The following TFG variants were observed in gnomAD, a reference collection of about 807,000 sequenced individuals.
The protein encoded by TFG is protein TFG.
In TFG, 22 loss-of-function variants were observed where a neutral mutation model predicts 51.4. The observed-to-expected ratio is 0.43, with a 90% CI of 0.31 to 0.61. The LOEUF is 0.61. Among genes scored for constraint, TFG ranks in the 20% least tolerant of loss-of-function variants. TFG has a pLI of 0.12. For synonymous variants in TFG, 187 were observed against 165.6 expected (o/e 1.13, Z -0.99); for missense variants, 419 against 487.7 (o/e 0.86, Z 1.33).
intron 7 of TFG, among the ~76,000 whole-genome samples, chr3:100,746,203 AT>A (rs565435433): frequency 6.6e-6 from 1 of 152,160 alleles, no homozygotes; most frequent in African/African-American, 2.4e-5. Context: ...AGCTGAAGAG[AT>A]TTAGTCATCA....
At chr3:100,746,437 A>G (rs1189369065) in intron 7 of TFG, among the ~76,000 whole-genome samples, 3 of 152,148 alleles carry the variant, frequency 2.0e-5, no homozygotes, top group Non-Finnish European at 4.4e-5. Flanking sequence ...ATTTCCCTGT[A>G]TCATTCTGCA....
intron 3 of TFG, among the ~76,000 whole-genome samples, chr3:100,727,120 T>C (rs1378304236): frequency 6.6e-6 from 1 of 152,206 alleles, no homozygotes; most frequent in Non-Finnish European, 1.5e-5. Flanking sequence ...TATAGTCTTG[T>C]GTGATGTTGG....
chr3:100,740,750 A>G (rs1157873519), intron 6 of TFG, among the ~76,000 whole-genome samples: 1 of 151,860 alleles, frequency 6.6e-6, no homozygotes, highest in Admixed American at 6.6e-5. Context: ...TCTTACCATT[A>G]CTCTTTGCTT....
intron 6 of TFG, chr3:100,743,106 G>T (rs1241442318): frequency 6.6e-6 from 1 of 152,116 alleles, no homozygotes; most frequent in Non-Finnish European, 1.5e-5. Context: ...CTAAAGCTTT[G>T]GAGTTATGCC....
Position 100,728,876 on chromosome 3 carries a change from T to A in TFG, c.415+18T>A, listed in dbSNP as rs752417508. On this transcript the variant is annotated intron_variant, in intron 4 of 7. Transcript: ENST00000240851. ...TGAAAATGGTAAACCCTGAATCCAT[T>A]GTATTCTGACTTATTGTTCTTACGT... 2 of 1,584,648 alleles carry A rather than the reference T, an allele frequency of 1.3e-6. No homozygotes were observed. The highest frequency in any genetic ancestry group is 1.7e-6 in the Non-Finnish European group (2 of 1,168,212).
intron 6 of TFG, chr3:100,743,366 CT>C (rs1320268556): frequency 3.9e-5 from 6 of 151,934 alleles, no homozygotes; most frequent in Middle Eastern, 3.2e-3. Context: ...ACCTACTTAC[CT>C]TTTTATTTTA....
intron 2 of TFG, 48 bp from the exon 3 acceptor site, chr3:100,719,927 G>A: frequency 7.1e-6 from 9 of 1,262,314 alleles, no homozygotes; most frequent in Non-Finnish European, 1.0e-5. Flanking sequence ...ATACAAATCT[G>A]AAAATTTAAA....
chr3:100,722,652 CAT>C (rs2095064108), intron 3 of TFG, among the ~76,000 whole-genome samples: 1 of 152,090 alleles, frequency 6.6e-6, no homozygotes, highest in African/African-American at 2.4e-5. Context: ...AGACTGATCA[CAT>C]ATGAAACAAT....
At chr3:100,721,661 T>G (rs1436923135) in intron 3 of TFG, among the ~76,000 whole-genome samples, 1 of 152,086 alleles carries the variant, frequency 6.6e-6, no homozygotes, top group Non-Finnish European at 1.5e-5. Flanking sequence ...AAGGCCAAAA[T>G]CTCTCTTGAG....
intron 3 of TFG, among the ~76,000 whole-genome samples, chr3:100,724,737 C>A (rs926100792): frequency 6.6e-6 from 1 of 152,056 alleles, no homozygotes; most frequent in African/African-American, 2.4e-5. Context: ...TTTAAACACA[C>A]CAGTGTCAAA....
intron 6 of TFG, among the ~76,000 whole-genome samples, chr3:100,741,188 A>G (rs961647709): frequency 1.3e-5 from 2 of 152,324 alleles, no homozygotes; most frequent in Admixed American, 6.5e-5. Context: ...ACAAAGCTGT[A>G]GAACCAGGCT....
intron 2 of TFG, among the ~76,000 whole-genome samples, chr3:100,715,019 G>A (rs2095041783): frequency 6.6e-6 from 1 of 152,142 alleles, no homozygotes. Flanking sequence ...TACTTGCAGT[G>A]TATTTAATCT....
At chr3:100,713,517 A>T (rs2095036700) in intron 1 of TFG, 126 bp from the exon 2 acceptor site, 1 of 416,196 alleles carries the variant, frequency 2.4e-6, no homozygotes, top group Non-Finnish European at 4.2e-6. Flanking sequence ...CCATTTTAAC[A>T]TAAATATGGT....
chr3:100,728,375 C>A (rs1206025466), intron 3 of TFG, among the ~76,000 whole-genome samples: 1 of 150,992 alleles, frequency 6.6e-6, no homozygotes, highest in Non-Finnish European at 1.5e-5. Context: ...TATTTAAGAA[C>A]AGCATGAAAT....
In TFG at chr3:100,715,650, C is replaced by G. The variant is rs183239613; in HGVS notation, c.184+1781C>G. ...AAACAATAAAGGATAGTACTTTTTT[C>G]CTGTTTTCTTATGCTTATCATACAT... On this transcript the variant is annotated intron_variant, in intron 2 of 7. Coordinates refer to ENST00000240851, the MANE Select transcript of TFG (RefSeq NM_006070.6). 5.3e-5 allele frequency among the ~76,000 whole-genome samples: 8 copies of G among 152,014 alleles called. No homozygotes were observed. In the East Asian group the frequency reaches 1.5e-3, roughly 29 times the overall value.
In TFG at chr3:100,736,676, A is replaced by T; in HGVS notation, c.681A>T (p.Pro227=). Residue 227 remains proline (P), a synonymous_variant, in exon 6 of 8, where the codon CCA becomes CCT. Transcript: ENST00000240851. ...CACCAGGCGTTCAGCCACAGCAGCC[A>T]CCATATACAGGAGCTCAGACTCAAG... ...AHPPGVQPQQ[P]PYTGAQTQAG... The T allele has an allele frequency of 1.2e-6, 2 of 1,614,054 alleles. No homozygotes were observed. The highest frequency in any genetic ancestry group is 2.2e-5 in the East Asian group (1 of 44,874).
At chr3:100,711,986 A>G (rs1022646369) in intron 1 of TFG, among the ~76,000 whole-genome samples, 2 of 152,248 alleles carry the variant, frequency 1.3e-5, no homozygotes, top group African/African-American at 2.4e-5. Flanking sequence ...CATTGTGAGA[A>G]CTGGCAGATA....
intron 3 of TFG, among the ~76,000 whole-genome samples, chr3:100,721,841 A>G (rs559421216): frequency 6.6e-6 from 1 of 152,352 alleles, no homozygotes; most frequent in African/African-American, 2.4e-5. Flanking sequence ...TATTTAAGAC[A>G]TAGAAGAAGG....
At chr3:100,731,568 T>C (rs1006472970) in intron 4 of TFG, among the ~76,000 whole-genome samples, 3 of 152,214 alleles carry the variant, frequency 2.0e-5, no homozygotes, top group Non-Finnish European at 4.4e-5. Flanking sequence ...TATAGTATCA[T>C]ATAATTACAC....
Sources: allele counts gnomAD v4.1 joint callset (sites outside exome capture counted in the v4.1 genomes callset), GRCh38; gene constraint gnomAD v4.1.1; transcripts MANE v1.5; gene names NCBI Gene and HGNC (gene_info 2026-07-23, HGNC 2026-07-21).